Variants in BLK observed in about 807,000 individuals in gnomAD.
BLK encodes the protein BLK proto-oncogene, Src family tyrosine kinase, also known as tyrosine-protein kinase Blk.
In BLK, 64 loss-of-function variants were observed where a neutral mutation model predicts 61.8. That is an observed-to-expected ratio of 1.03 (90% CI 0.85 to 1.27). The LOEUF (loss-of-function observed/expected upper bound fraction) is 1.27. Ranked by LOEUF, BLK falls within the 50% of genes most tolerant of loss-of-function variation. BLK has a pLI of 0.00. For missense variants in BLK, 853 were observed against 660.5 expected (o/e 1.29, Z -3.19); for synonymous variants, 351 against 272.0 (o/e 1.29, Z -2.86).
intron 1 of BLK, among the ~76,000 whole-genome samples, chr8:11,516,872 C>G (rs1419785265): frequency 1.3e-5 from 2 of 152,248 alleles, no homozygotes; most frequent in Non-Finnish European, 1.5e-5. Context: ...CTGAGCAACA[C>G]TGCTGTGGAC....
chr8:11,498,235 C>G (rs1032346221), intron 1 of BLK, among the ~76,000 whole-genome samples: 2 of 152,152 alleles, frequency 1.3e-5, no homozygotes, highest in Non-Finnish European at 2.9e-5. Context: ...CGTTCAAGTG[C>G]AGGAAAAGTT....
intron 1 of BLK, among the ~76,000 whole-genome samples, chr8:11,500,217 A>C (rs1401347145): frequency 6.6e-6 from 1 of 152,136 alleles, no homozygotes; most frequent in East Asian, 1.9e-4. Flanking sequence ...TGTTTGAGAC[A>C]AGGTCTCACT....
At chr8:11,547,075 T>A (rs1800681026) in intron 3 of BLK, among the ~76,000 whole-genome samples, 1 of 152,218 alleles carries the variant, frequency 6.6e-6, no homozygotes, top group Non-Finnish European at 1.5e-5. Context: ...CCCCACCCAT[T>A]AACCTGCTCA....
chr8:11,504,746 G>T (rs1798703952), intron 1 of BLK, among the ~76,000 whole-genome samples: 1 of 152,234 alleles, frequency 6.6e-6, no homozygotes, highest in Non-Finnish European at 1.5e-5. Context: ...CCACCCTTGA[G>T]ATGAGGCCTG....
At chr8:11,495,311 G>A (rs1426316106) in intron 1 of BLK, among the ~76,000 whole-genome samples, 1 of 46,018 alleles carries the variant, frequency 2.2e-5, no homozygotes, top group Non-Finnish European at 4.9e-5. Context: ...TTGTGCGTTT[G>A]CAGTAACAGA....
intron 1 of BLK, among the ~76,000 whole-genome samples, chr8:11,499,465 G>C (rs746285459): frequency 1.3e-5 from 2 of 152,226 alleles, no homozygotes; most frequent in Non-Finnish European, 2.9e-5. Context: ...CACAGTGCTT[G>C]AGATCCTGAG....
rs1047246182 is a variant in BLK at position 11,510,358 on chromosome 8, C to T, written c.-2+15767C>T. 2.0e-5 allele frequency among the ~76,000 whole-genome samples: 3 copies of T among 152,158 alleles called. No homozygotes were observed. The East Asian group carries it at 5.8e-4, about 29-fold the overall frequency. The stretch of plus-strand genomic sequence containing the variant: ...GTCTTTGGCCAGAGAGCAGACTTTC[C>T]TCTCTGTGAAATGAAATGACTCATA... On this transcript the variant is annotated intron_variant, in intron 1 of 12. Coordinates refer to ENST00000259089, the MANE Select transcript of BLK (RefSeq NM_001715.3).
At chr8:11,510,800 AATAAATAAATAAATAAATAC>A (rs375566668) in intron 1 of BLK, among the ~76,000 whole-genome samples, 3,586 of 151,574 alleles carry the variant, frequency 0.024, 58 homozygotes, top group Non-Finnish European at 0.038. Context: ...TAAATAAATA[AATAAATAAATAAATAAATAC>A]ATAAATAAAG....
intron 12 of BLK, 147 bp from the exon 13 acceptor site, chr8:11,563,756 G>A (rs1314567724): frequency 1.4e-6 from 1 of 734,720 alleles, no homozygotes; most frequent in Non-Finnish European, 2.2e-6. Flanking sequence ...GGGCAGCCAG[G>A]CAACGCACGA....
rs774629622 is a variant in BLK at position 11,555,317 on chromosome 8, T to TC, written c.620-14dup. 5 of 1,614,036 alleles carry TC rather than the reference T, an allele frequency of 3.1e-6. No homozygotes were observed. In the African/African-American group the frequency reaches 6.7e-5, roughly 22 times the overall value. On this transcript the variant is annotated splice_polypyrimidine_tract_variant and intron_variant, in intron 7 of 12. Coordinates refer to ENST00000259089, the MANE Select transcript of BLK (RefSeq NM_001715.3). Reference sequence around the variant, plus strand: ...TCTGGTAACCCCCAGCCCTGTCTTTTCTTCCCTAATGCAGAGAAGGGGGAT... The same window carrying TC: ...TCTGGTAACCCCCAGCCCTGTCTTTTCCTTCCCTAATGCAGAGAAGGGGGAT...
chr8:11,503,121 G>A (rs1798630819), intron 1 of BLK, among the ~76,000 whole-genome samples: 1 of 152,204 alleles, frequency 6.6e-6, no homozygotes, highest in South Asian at 2.1e-4. Flanking sequence ...CACACCTGGG[G>A]TGCAAAACTG....
chr8:11,553,514 G>A, intron 6 of BLK: 1 of 311,090 alleles, frequency 3.2e-6, no homozygotes, highest in East Asian at 9.4e-5. Context: ...CACCAGCTTG[G>A]GAAGCGTCAC....
intron 6 of BLK, among the ~76,000 whole-genome samples, 153 bp downstream of exon 6, chr8:11,550,415 G>C (rs915040448): frequency 1.3e-5 from 2 of 152,242 alleles, no homozygotes; most frequent in Non-Finnish European, 2.9e-5. Flanking sequence ...GCCCTGCCCG[G>C]GAGTTGACAT....
intron 8 of BLK, 195 bp downstream of exon 8, chr8:11,555,679 C>A: frequency 1.2e-6 from 1 of 852,978 alleles, no homozygotes; most frequent in South Asian, 1.6e-5. Flanking sequence ...GCTGGGACCG[C>A]TTATGGTGGT....
chr8:11,505,569 C>T (rs1179237228), intron 1 of BLK, among the ~76,000 whole-genome samples: 1 of 152,214 alleles, frequency 6.6e-6, no homozygotes, highest in Non-Finnish European at 1.5e-5. Flanking sequence ...CGTTCAGGCC[C>T]TCCCCCTTCT....
At chr8:11,535,326 G>GAAAGAC (rs1309544881) in intron 1 of BLK, among the ~76,000 whole-genome samples, 1 of 114,988 alleles carries the variant, frequency 8.7e-6, no homozygotes, top group Non-Finnish European at 1.9e-5. Flanking sequence ...GAAAGAAAGA[G>GAAAGAC]AAGGAAAAGG....
chr8:11,514,689 A>G (rs1799154997), intron 1 of BLK, among the ~76,000 whole-genome samples: 1 of 152,226 alleles, frequency 6.6e-6, no homozygotes, highest in East Asian at 1.9e-4. Context: ...TTCTGGACCC[A>G]TCCTGGCAAG....
In BLK at chr8:11,551,592, G is replaced by A. The variant is rs577913419; in HGVS notation, c.472+1330G>A. On this transcript the variant is annotated intron_variant, in intron 6 of 12. Transcript: ENST00000259089. ...TAACAGATTCATTCATGTGGTTGAG[G>A]ATGGTGAGCCTGTTCATGTTCATTG... 7.0e-4 allele frequency among the ~76,000 whole-genome samples: 107 copies of A among 152,320 alleles called. 4 individuals carry two copies. The South Asian group carries it at 0.021, about 30-fold the overall frequency.
At chr8:11,543,384 T>C (rs763324977) in intron 2 of BLK, 37 bp downstream of exon 2, 1 of 1,609,358 alleles carries the variant, frequency 6.2e-7, no homozygotes, top group Non-Finnish European at 8.5e-7. Flanking sequence ...AGCAGATTAC[T>C]TACTTCTCCT....
Sources: gnomAD v4.1 joint callset for allele counts (sites outside exome capture counted in the v4.1 genomes callset) on GRCh38, gnomAD v4.1.1 for gene constraint, MANE v1.5 for transcripts, NCBI Gene and HGNC (gene_info 2026-07-23, HGNC 2026-07-21) for gene names.